The following BCAS1 variants were observed in gnomAD, a reference collection of about 807,000 sequenced individuals.
BCAS1 encodes brain enriched myelin associated protein 1.
BCAS1 carries 46 observed loss-of-function variants against 65.4 expected under a neutral mutation model. That is an observed-to-expected ratio of 0.70 (90% confidence interval 0.55 to 0.90). The LOEUF (loss-of-function observed/expected upper bound fraction) is 0.90, where lower values mean the gene tolerates loss of function less well. BCAS1 is among the 40% of genes least tolerant of loss of function. The pLI, the probability that BCAS1 is intolerant of heterozygous loss-of-function variation, is 0.00. For synonymous variants in BCAS1, 298 were observed against 293.5 expected, an observed-to-expected ratio of 1.02 and a Z score of -0.16; for missense variants, 793 against 771.2, an observed-to-expected ratio of 1.03 and a Z score of -0.33.
At chr20:54,003,793 A>G (rs2091118083) in intron 4 of BCAS1, among the ~76,000 whole-genome samples, 1 of 152,230 alleles carries the variant, frequency 6.6e-6, no homozygotes, top group South Asian at 2.1e-4. Context: ...TAGTCTTGTT[A>G]GGTTTTCTGG....
intron 4 of BCAS1, 72 bp downstream of exon 4, chr20:54,028,320 G>A: frequency 6.6e-7 from 1 of 1,509,826 alleles, no homozygotes; most frequent in Non-Finnish European, 9.2e-7. Context: ...CTGCATATGT[G>A]CAGTGGTCTT....
chr20:54,034,387 T>G (rs2091859157), intron 3 of BCAS1, among the ~76,000 whole-genome samples: 1 of 151,350 alleles, frequency 6.6e-6, no homozygotes, highest in Non-Finnish European at 1.5e-5. Flanking sequence ...GAAAACCCCA[T>G]AGTCTCAGCC....
chr20:53,974,339 C>T (rs2090268835), intron 9 of BCAS1, among the ~76,000 whole-genome samples: 1 of 152,188 alleles, frequency 6.6e-6, no homozygotes, highest in Non-Finnish European at 1.5e-5. Context: ...CTGTAACACT[C>T]ACTGCGAAGG....
At chr20:53,956,727 G>A (rs986102242) in intron 11 of BCAS1, among the ~76,000 whole-genome samples, 9 of 151,530 alleles carry the variant, frequency 5.9e-5, no homozygotes, top group African/African-American at 1.9e-4. Flanking sequence ...ACTCATTCTT[G>A]TAGCCACTTC....
chr20:54,060,320 A>C (rs572219263), intron 1 of BCAS1, among the ~76,000 whole-genome samples: 1 of 152,120 alleles, frequency 6.6e-6, no homozygotes, highest in Non-Finnish European at 1.5e-5. Context: ...GAATAAAAGT[A>C]ATTTTTTTTT....
At chr20:54,009,681 G>T (rs1172810360) in intron 4 of BCAS1, among the ~76,000 whole-genome samples, 1 of 152,060 alleles carries the variant, frequency 6.6e-6, no homozygotes, top group Non-Finnish European at 1.5e-5. Context: ...AAATCTCCTA[G>T]AAAACAGAAG....
intron 3 of BCAS1, among the ~76,000 whole-genome samples, chr20:54,051,242 C>T (rs1276732303): frequency 6.6e-6 from 1 of 152,170 alleles, no homozygotes; most frequent in East Asian, 1.9e-4. Context: ...ACTGCCTGAT[C>T]TCTGAGCCAT....
intron 4 of BCAS1, among the ~76,000 whole-genome samples, chr20:54,025,893 A>G (rs1268916297): frequency 9.2e-5 from 14 of 152,210 alleles, no homozygotes; most frequent in Non-Finnish European, 1.9e-4. Context: ...GTCAGAAAAG[A>G]AACCTTGACA....
chr20:54,027,812 A>AC (rs1491093485), intron 4 of BCAS1, among the ~76,000 whole-genome samples: 1 of 151,710 alleles, frequency 6.6e-6, no homozygotes, highest in East Asian at 1.9e-4. Flanking sequence ...ACAAAAAAAA[A>AC]ACCCAAAACC....
At chr20:54,027,229 A>C (rs158549) in intron 4 of BCAS1, among the ~76,000 whole-genome samples, 56,123 of 152,058 alleles carry the variant, frequency 0.37, 10,412 homozygotes, top group South Asian at 0.46. Context: ...ACACATGATG[A>C]CTATTATCTT....
intron 10 of BCAS1, among the ~76,000 whole-genome samples, chr20:53,963,765 A>G (rs897987660): frequency 6.6e-6 from 1 of 152,196 alleles, no homozygotes; most frequent in Non-Finnish European, 1.5e-5. Flanking sequence ...AAATCCGAAG[A>G]CTTTGAATCA....
Position 54,018,606 on chromosome 20 carries a change from G to A in BCAS1, c.723+9786C>T, listed in dbSNP as rs181922583. ...TTGCCTCGGCCTCCCAAAGTGCTGG[G>A]ATTACAGGCGTGAGCCACCGCGCCC... On this transcript the variant is annotated intron_variant, in intron 4 of 12. Transcript: ENST00000688948. Among the ~76,000 whole-genome samples the A allele has an allele frequency of 2.8e-3, 423 of 152,226 alleles. 6 individuals carry two copies. Among genetic ancestry groups the A allele is most frequent in the Non-Finnish European group, 7.2e-4 (49 of 68,002 alleles).
At chr20:54,016,991 AG>A (rs2091452409) in intron 4 of BCAS1, among the ~76,000 whole-genome samples, 1 of 152,228 alleles carries the variant, frequency 6.6e-6, no homozygotes, top group African/African-American at 2.4e-5. Flanking sequence ...ACACGGGGGT[AG>A]CAGAAGTCTA....
chr20:53,963,194 AT>A (rs1248576219), intron 10 of BCAS1, among the ~76,000 whole-genome samples: 1 of 151,528 alleles, frequency 6.6e-6, no homozygotes, highest in Non-Finnish European at 1.5e-5. Flanking sequence ...AGAGAAAAAG[AT>A]CTCTAGCTGG....
intron 1 of BCAS1, among the ~76,000 whole-genome samples, chr20:54,063,819 T>C (rs2092404242): frequency 6.6e-6 from 1 of 152,102 alleles, no homozygotes. Flanking sequence ...AGGAGAAAAA[T>C]AAATCAGATA....
At chr20:54,021,006 T>C (rs2091544841) in intron 4 of BCAS1, among the ~76,000 whole-genome samples, 1 of 152,242 alleles carries the variant, frequency 6.6e-6, no homozygotes, top group South Asian at 2.1e-4. Context: ...GTGGATACTG[T>C]AGCAGCTTCT....
chr20:54,042,965 T>A (rs1454207792), intron 3 of BCAS1, among the ~76,000 whole-genome samples: 1 of 152,218 alleles, frequency 6.6e-6, no homozygotes, highest in Non-Finnish European at 1.5e-5. Flanking sequence ...TAGGGACATC[T>A]CCATGTTGCA....
intron 1 of BCAS1, among the ~76,000 whole-genome samples, chr20:54,063,930 G>T (rs1340104797): frequency 6.6e-6 from 1 of 152,184 alleles, no homozygotes; most frequent in African/African-American, 2.4e-5. Flanking sequence ...TTCATGAACT[G>T]ATTATATGAG....
chr20:53,948,085 A>G (rs2089388738), intron 12 of BCAS1, among the ~76,000 whole-genome samples: 3 of 152,138 alleles, frequency 2.0e-5, no homozygotes. Context: ...AAGTGTCTAG[A>G]GCCTGGTCTC....
Sources: allele counts gnomAD v4.1 joint callset (sites outside exome capture counted in the v4.1 genomes callset), GRCh38; gene constraint gnomAD v4.1.1; transcripts MANE v1.5; gene names NCBI Gene and HGNC (gene_info 2026-07-23, HGNC 2026-07-21).